ROBO2: variants seen among roughly 807,000 people sequenced by gnomAD.
The protein encoded by ROBO2 is roundabout guidance receptor 2, also known as roundabout homolog 2.
A neutral mutation model predicts 160.8 loss-of-function variants in ROBO2; 53 were observed. The ratio of observed to expected loss-of-function variants is 0.33; its 90% CI spans 0.26 to 0.41. The LOEUF (loss-of-function observed/expected upper bound fraction) is 0.41, where lower values mean the gene tolerates loss of function less well. Among genes scored for constraint, ROBO2 ranks in the 10% least tolerant of loss-of-function variants. ROBO2 has a pLI of 1.00. For synonymous variants in ROBO2, 664 were observed against 611.7 expected (o/e 1.09, Z -1.26); for missense variants, 1,577 against 1,722.4 (o/e 0.92, Z 1.49).
chr3:76,064,569 A>G (rs149959680), intron 2 of ROBO2, among the ~76,000 whole-genome samples: 6 of 152,354 alleles, frequency 3.9e-5, no homozygotes, highest in African/African-American at 1.4e-4. Context: ...ATATATGATT[A>G]GCTCTCTAAC....
intron 2 of ROBO2, among the ~76,000 whole-genome samples, chr3:77,142,089 T>TTC (rs1010532344): frequency 3.3e-5 from 5 of 151,342 alleles, no homozygotes; most frequent in Admixed American, 1.3e-4. Flanking sequence ...CTCTCTCTGT[T>TTC]TCTCTCTCTC....
At chr3:76,991,312 G>T (rs1040216284) in intron 2 of ROBO2, among the ~76,000 whole-genome samples, 3 of 152,176 alleles carry the variant, frequency 2.0e-5, no homozygotes, top group Non-Finnish European at 4.4e-5. Context: ...TCAAACTATT[G>T]TGTAATATGC....
chr3:77,003,852 A>G (rs1452855079), intron 2 of ROBO2, among the ~76,000 whole-genome samples: 1 of 151,982 alleles, frequency 6.6e-6, no homozygotes, highest in Non-Finnish European at 1.5e-5. Context: ...GCCGACATGG[A>G]GGTTCTTTAA....
intron 2 of ROBO2, among the ~76,000 whole-genome samples, chr3:76,654,909 G>A (rs1454077616): frequency 1.8e-5 from 2 of 112,872 alleles, no homozygotes; most frequent in African/African-American, 6.4e-5. Flanking sequence ...GTACATATGT[G>A]TGTGTATATA....
intron 2 of ROBO2, among the ~76,000 whole-genome samples, chr3:77,227,881 GCTAT>G (rs1560288448): frequency 1.3e-5 from 2 of 152,162 alleles, no homozygotes; most frequent in Non-Finnish European, 2.9e-5. Flanking sequence ...ATTTTATGAC[GCTAT>G]TACCTCACCC....
intron 2 of ROBO2, among the ~76,000 whole-genome samples, chr3:76,017,862 ACTT>A (rs2066450352): frequency 6.6e-6 from 1 of 152,104 alleles, no homozygotes; most frequent in Non-Finnish European, 1.5e-5. Flanking sequence ...AGCCCTGAAT[ACTT>A]CTCCACTCTT....
At chr3:76,480,235 C>G (rs921914511) in intron 2 of ROBO2, among the ~76,000 whole-genome samples, 2 of 152,020 alleles carry the variant, frequency 1.3e-5, no homozygotes, top group Non-Finnish European at 2.9e-5. Context: ...CTTCACTCTC[C>G]TAGAATAGTG....
chr3:76,458,921 G>C (rs933505577), intron 2 of ROBO2, among the ~76,000 whole-genome samples: 2 of 152,140 alleles, frequency 1.3e-5, no homozygotes, highest in African/African-American at 2.4e-5. Context: ...GGGAATTCTG[G>C]GAGATACAAT....
intron 1 of ROBO2, among the ~76,000 whole-genome samples, chr3:77,072,758 T>C (rs2067559393): frequency 6.6e-6 from 1 of 152,244 alleles, no homozygotes; most frequent in Non-Finnish European, 1.5e-5. Flanking sequence ...TGTGAATGAA[T>C]ATATTTTCTG....
chr3:77,237,203 A>G (rs1054311578), intron 2 of ROBO2, among the ~76,000 whole-genome samples: 6 of 55,892 alleles, frequency 1.1e-4, no homozygotes, highest in African/African-American at 4.0e-4. Flanking sequence ...TTTTTTTTTC[A>G]TTTTTCTTTT....
intron 2 of ROBO2, among the ~76,000 whole-genome samples, chr3:76,220,461 G>C (rs1038181144): frequency 6.6e-6 from 1 of 152,128 alleles, no homozygotes; most frequent in African/African-American, 2.4e-5. Context: ...TATAAAATGT[G>C]TGGAGGAGAC....
intron 2 of ROBO2, among the ~76,000 whole-genome samples, chr3:76,986,219 G>T (rs72902037): frequency 2.8e-4 from 43 of 152,098 alleles, no homozygotes; most frequent in African/African-American, 1.0e-3. Flanking sequence ...TATATAGTAC[G>T]CATTGATCGA....
intron 2 of ROBO2, among the ~76,000 whole-genome samples, chr3:77,376,543 TGAA>T (rs1293962264): frequency 6.6e-6 from 1 of 152,186 alleles, no homozygotes; most frequent in African/African-American, 2.4e-5. Context: ...AAGGTATCAT[TGAA>T]GAAGTTTAGG....
intron 2 of ROBO2, among the ~76,000 whole-genome samples, chr3:76,396,363 A>G (rs1036156990): frequency 3.9e-5 from 6 of 152,130 alleles, no homozygotes; most frequent in African/African-American, 1.4e-4. Flanking sequence ...CAGAGCCAAT[A>G]TCATACTGAA....
At chr3:76,384,719 G>A (rs2076798278) in intron 2 of ROBO2, among the ~76,000 whole-genome samples, 1 of 152,164 alleles carries the variant, frequency 6.6e-6, no homozygotes, top group Non-Finnish European at 1.5e-5. Context: ...GTACTGAGGA[G>A]AGGGGAAAAG....
intron 2 of ROBO2, among the ~76,000 whole-genome samples, chr3:76,005,029 G>A (rs1280109583): frequency 6.6e-6 from 1 of 152,074 alleles, no homozygotes; most frequent in Non-Finnish European, 1.5e-5. Context: ...CTTAAGGCTG[G>A]GAGTTCAATC....
chr3:76,845,482 G>A (rs2068693795), intron 2 of ROBO2, among the ~76,000 whole-genome samples: 1 of 151,826 alleles, frequency 6.6e-6, no homozygotes, highest in Non-Finnish European at 1.5e-5. Context: ...TTTCCAATGT[G>A]ACAGAGATAT....
intron 2 of ROBO2, among the ~76,000 whole-genome samples, chr3:77,471,661 A>C (rs1383637599): frequency 6.6e-6 from 1 of 152,256 alleles, no homozygotes; most frequent in African/African-American, 2.4e-5. Flanking sequence ...ACATATTAAC[A>C]GGAGAAAAAG....
intron 2 of ROBO2, among the ~76,000 whole-genome samples, chr3:75,992,730 A>G (rs1038202147): frequency 6.6e-5 from 10 of 152,160 alleles, no homozygotes; most frequent in South Asian, 2.1e-4. Flanking sequence ...CAGGCACTCA[A>G]TGCCAGCCTG....
Sources: allele counts gnomAD v4.1 joint callset (sites outside exome capture counted in the v4.1 genomes callset), GRCh38; gene constraint gnomAD v4.1.1; transcripts MANE v1.5; gene names NCBI Gene and HGNC (gene_info 2026-07-23, HGNC 2026-07-21).